LRFN2: variants seen among roughly 807,000 people sequenced by gnomAD.
LRFN2 encodes leucine rich repeat and fibronectin type III domain containing 2, also known as leucine-rich repeat and fibronectin type-III domain-containing protein 2.
A neutral mutation model predicts 37.3 loss-of-function variants in LRFN2; 18 were observed. The observed-to-expected ratio is 0.48, with a 90% confidence interval of 0.33 to 0.72. The LOEUF (loss-of-function observed/expected upper bound fraction) is 0.72. Ranked by LOEUF, LRFN2 falls within the 30% of genes least tolerant of loss-of-function variation. LRFN2 has a pLI of 0.02. For synonymous variants in LRFN2, 556 were observed against 466.6 expected (o/e 1.19, Z -2.47); for missense variants, 1,006 against 1,060.7 (o/e 0.95, Z 0.72).
rs780582957 is a variant in LRFN2 at position 40,431,998 on chromosome 6, C to T, written c.1116G>A (p.Val372=). 7.4e-6 allele frequency: 12 copies of T among 1,613,590 alleles called. No individual in the cohort carries two copies. The highest frequency in any genetic ancestry group is 2.2e-5 in the East Asian group (1 of 44,884). Residue 372 remains valine (V), a synonymous_variant, in exon 2 of 3, where the codon GTG becomes GTA. Coordinates refer to ENST00000338305, the MANE Select transcript of LRFN2 (RefSeq NM_020737.3). ...GTGGCAGCTGGACGATGGAGACCTC[C>T]ACCATGGCCGTGGCCTCTCCGGCAG... ...ANAAGEATAM[V]EVSIVQLPHL...
chr6:40,415,889 C>A (rs950973118), intron 2 of LRFN2, among the ~76,000 whole-genome samples: 1 of 152,076 alleles, frequency 6.6e-6, no homozygotes, highest in Admixed American at 6.5e-5. Context: ...GAATTATGTT[C>A]AAAAATTAAC....
intron 1 of LRFN2, among the ~76,000 whole-genome samples, chr6:40,447,341 G>A (rs1361755326): frequency 6.6e-6 from 1 of 152,176 alleles, no homozygotes; most frequent in Admixed American, 6.5e-5. Context: ...TTGTGGTAAT[G>A]TTACGACATT....
chr6:40,515,892 CAAAAAAA>C (rs71543993), intron 1 of LRFN2, among the ~76,000 whole-genome samples: 4 of 91,762 alleles, frequency 4.4e-5, no homozygotes, highest in East Asian at 3.4e-4. Context: ...GACTCCATAT[CAAAAAAA>C]AAAAAAAAAA....
intron 1 of LRFN2, among the ~76,000 whole-genome samples, chr6:40,575,530 C>T (rs1466039193): frequency 6.6e-6 from 1 of 152,168 alleles, no homozygotes; most frequent in Non-Finnish European, 1.5e-5. Context: ...GATATTGGGG[C>T]CCTAACCATC....
At chr6:40,543,227 A>G (rs1766590728) in intron 1 of LRFN2, among the ~76,000 whole-genome samples, 1 of 152,246 alleles carries the variant, frequency 6.6e-6, no homozygotes, top group Non-Finnish European at 1.5e-5. Flanking sequence ...CGCAGAGTCC[A>G]GAGGGATAAT....
chr6:40,459,971 A>C (rs1764311498), intron 1 of LRFN2, among the ~76,000 whole-genome samples: 1 of 152,222 alleles, frequency 6.6e-6, no homozygotes, highest in Admixed American at 6.5e-5. Context: ...GGAAGCTGCA[A>C]TTGCAAGCCA....
At chr6:40,458,710 G>A (rs1581721873) in intron 1 of LRFN2, among the ~76,000 whole-genome samples, 1 of 152,306 alleles carries the variant, frequency 6.6e-6, no homozygotes, top group East Asian at 1.9e-4. Context: ...AGTGATGAAC[G>A]CAACTTCTTC....
chr6:40,424,355 C>G (rs1763297770), intron 2 of LRFN2, among the ~76,000 whole-genome samples: 1 of 152,232 alleles, frequency 6.6e-6, no homozygotes, highest in Admixed American at 6.5e-5. Flanking sequence ...CCCCAAGTCT[C>G]CAGCCTTAAT....
chr6:40,519,135 AGAT>A (rs1292029253), intron 1 of LRFN2, among the ~76,000 whole-genome samples: 5 of 152,342 alleles, frequency 3.3e-5, no homozygotes, highest in Non-Finnish European at 5.9e-5. Flanking sequence ...TGTTCACCAT[AGAT>A]TATCAGTTTT....
chr6:40,468,001 T>A (rs1561867692), intron 1 of LRFN2, among the ~76,000 whole-genome samples: 3 of 152,144 alleles, frequency 2.0e-5, no homozygotes, highest in Non-Finnish European at 4.4e-5. Context: ...GACATACTCA[T>A]CCAGCTCCAG....
intron 1 of LRFN2, among the ~76,000 whole-genome samples, chr6:40,434,275 T>G (rs1384171451): frequency 6.6e-6 from 1 of 150,806 alleles, no homozygotes; most frequent in East Asian, 2.0e-4. Context: ...AAGAGAAATC[T>G]GACTCAAGTC....
At position 40,432,942 on chromosome 6, in the gene LRFN2, G is replaced by A. The variant is rs1763545170; in HGVS notation, c.172C>T (p.Arg58Cys). ...TGGATGATGAAGTTGCCGCCCAGGC[G>A]CAGCTCCACTGTCCGCCGGTCAATA... Reference protein sequence around the residue: ...PDIDRRTVELRLGGNFIIHIS... With the variant: ...PDIDRRTVELCLGGNFIIHIS... The change falls in exon 2 of 3, where the codon CGC becomes TGC. Residue 58 changes from arginine (R) to cysteine (C), a missense_variant. Transcript: ENST00000338305. 1 of 1,613,794 alleles carries A rather than the reference G, an allele frequency of 6.2e-7. No homozygotes were observed.
At chr6:40,422,452 G>A (rs1191414029) in intron 2 of LRFN2, among the ~76,000 whole-genome samples, 1 of 151,816 alleles carries the variant, frequency 6.6e-6, no homozygotes, top group African/African-American at 2.4e-5. Flanking sequence ...CTTTTTTGGT[G>A]GGGGGATGCC....
intron 1 of LRFN2, among the ~76,000 whole-genome samples, chr6:40,564,070 G>T (rs1767047066): frequency 6.6e-6 from 1 of 152,168 alleles, no homozygotes; most frequent in Admixed American, 6.5e-5. Context: ...AGTTGAATAT[G>T]TTGAGGCTCA....
chr6:40,411,093 C>T (rs1486003649), intron 2 of LRFN2, among the ~76,000 whole-genome samples: 2 of 152,184 alleles, frequency 1.3e-5, no homozygotes, highest in African/African-American at 2.4e-5. Context: ...GAGTAAATCA[C>T]AGACTTATCT....
rs199577699 is a variant in LRFN2 at position 40,545,736 on chromosome 6, G to C, written c.-19+41205C>G. On this transcript the variant is annotated intron_variant, in intron 1 of 2. Transcript: ENST00000338305. ...AGAAAGAGGAAAAGCAGGGGAAAAG[G>C]ATGAGGCAGAGGCACTTGGAGGAGG... Among the ~76,000 whole-genome samples, 3 of 152,178 alleles carry C rather than the reference G, an allele frequency of 2.0e-5. No individual in the cohort carries two copies. The East Asian group carries it at 5.8e-4, about 29-fold the overall frequency.
intron 2 of LRFN2, among the ~76,000 whole-genome samples, chr6:40,404,652 A>G (rs993399835): frequency 2.0e-5 from 3 of 152,236 alleles, no homozygotes; most frequent in Non-Finnish European, 4.4e-5. Flanking sequence ...AGCCCTATCC[A>G]TGTACCCAGC....
intron 1 of LRFN2, among the ~76,000 whole-genome samples, chr6:40,564,940 T>C (rs1241500095): frequency 6.6e-6 from 1 of 152,130 alleles, no homozygotes; most frequent in African/African-American, 2.4e-5. Context: ...ACCTGTGTAA[T>C]GGAGTCAGAC....
At chr6:40,393,920 A>G (rs1289076217) in intron 2 of LRFN2, among the ~76,000 whole-genome samples, 1 of 152,114 alleles carries the variant, frequency 6.6e-6, no homozygotes, top group Non-Finnish European at 1.5e-5. Flanking sequence ...GCAGAAGAGG[A>G]CTGGATGCAG....
Sources: gnomAD v4.1 joint callset for allele counts (sites outside exome capture counted in the v4.1 genomes callset) on GRCh38, gnomAD v4.1.1 for gene constraint, MANE v1.5 for transcripts, NCBI Gene and HGNC (gene_info 2026-07-23, HGNC 2026-07-21) for gene names.